Variants in TRIO observed in about 807,000 individuals in gnomAD.
The protein encoded by TRIO is triple functional domain protein.
A neutral mutation model predicts 351.9 loss-of-function variants in TRIO; 58 were observed. The observed-to-expected ratio is 0.16, with a 90% CI of 0.13 to 0.21. The LOEUF is 0.21. Among genes scored for constraint, TRIO ranks in the 10% least tolerant of loss-of-function variants. The pLI is 1.00. For synonymous variants in TRIO, 1,758 were observed against 1,595.7 expected, an observed-to-expected ratio of 1.10 and a Z score of -2.42; for missense variants, 3,201 against 4,027.8, an observed-to-expected ratio of 0.79 and a Z score of 5.56.
chr5:14,333,536 C>T (rs981697456), intron 10 of TRIO, among the ~76,000 whole-genome samples: 1 of 152,224 alleles, frequency 6.6e-6, no homozygotes. Flanking sequence ...AATATGCAGA[C>T]TTTGTTGTCT....
intron 1 of TRIO, among the ~76,000 whole-genome samples, chr5:14,168,808 C>A (rs902138047): frequency 4.6e-5 from 7 of 152,202 alleles, no homozygotes; most frequent in Admixed American, 2.0e-4. Flanking sequence ...ATTACCAATA[C>A]ATGTTTCAGC....
intron 1 of TRIO, among the ~76,000 whole-genome samples, chr5:14,194,477 T>G (rs1790644999): frequency 6.6e-6 from 1 of 152,238 alleles, no homozygotes; most frequent in Admixed American, 6.5e-5. Flanking sequence ...ATTTGAGGAC[T>G]TGATTTGTTT....
At chr5:14,351,747 T>C (rs1350272371) in intron 11 of TRIO, among the ~76,000 whole-genome samples, 1 of 152,190 alleles carries the variant, frequency 6.6e-6, no homozygotes, top group Non-Finnish European at 1.5e-5. Context: ...CCTCCTTCCA[T>C]ACCCCACCTC....
intron 1 of TRIO, among the ~76,000 whole-genome samples, chr5:14,257,179 G>A (rs1347698136): frequency 2.0e-5 from 3 of 152,250 alleles, no homozygotes; most frequent in Admixed American, 2.0e-4. Flanking sequence ...TCCAGTCGCG[G>A]CTTTCCGCCC....
At chr5:14,295,251 A>T (rs186559038) in intron 6 of TRIO, among the ~76,000 whole-genome samples, 1 of 152,362 alleles carries the variant, frequency 6.6e-6, no homozygotes, top group East Asian at 1.9e-4. Context: ...ATTAAGGGAT[A>T]CCAACAATTA....
chr5:14,268,992 A>G (rs1561273152), intron 1 of TRIO, among the ~76,000 whole-genome samples: 1 of 152,170 alleles, frequency 6.6e-6, no homozygotes, highest in Non-Finnish European at 1.5e-5. Flanking sequence ...CTTGGCTCAG[A>G]TGTTTTGCCT....
At chr5:14,437,698 CCA>C (rs1751705347) in intron 34 of TRIO, among the ~76,000 whole-genome samples, 1 of 146,450 alleles carries the variant, frequency 6.8e-6, no homozygotes. Context: ...CCCCCCCGCC[CCA>C]AGGACCTCAT....
intron 9 of TRIO, among the ~76,000 whole-genome samples, chr5:14,319,085 G>GA (rs1239051987): frequency 2.0e-5 from 3 of 152,184 alleles, no homozygotes; most frequent in Non-Finnish European, 2.9e-5. Flanking sequence ...CAAACATGTA[G>GA]AAAGGTAATT....
intron 1 of TRIO, among the ~76,000 whole-genome samples, chr5:14,169,905 G>A (rs1788996402): frequency 6.6e-6 from 1 of 152,208 alleles, no homozygotes; most frequent in South Asian, 2.1e-4. Context: ...TTTTAGAAAG[G>A]CTTTATTACT....
In TRIO at chr5:14,297,164, G is replaced by A. The variant is rs377545795; in HGVS notation, c.1269G>A (p.Ala423=). The A allele has an allele frequency of 1.9e-5, 30 of 1,614,104 alleles. No individual in the cohort carries two copies. The African/African-American group carries it at 2.0e-4, about 11-fold the overall frequency. The change falls in exon 7 of 57, where the codon GCG becomes GCA. Residue 423 remains alanine (A), a synonymous_variant. Coordinates refer to ENST00000344204, the MANE Select transcript of TRIO (RefSeq NM_007118.4). The part of the protein sequence containing the change: ...HYASQQIRQI[A]SQLEQEWKAF... ...CCTCGCAGCAGATCAGGCAGATCGC[G>A]AGTCAGCTGGAGCAGGAGTGGAAGG...
At chr5:14,386,111 G>C (rs1746517480) in intron 21 of TRIO, among the ~76,000 whole-genome samples, 1 of 152,232 alleles carries the variant, frequency 6.6e-6, no homozygotes, top group South Asian at 2.1e-4. Flanking sequence ...CAGCAGAGCA[G>C]AAGAATAGGC....
chr5:14,315,334 CT>C (rs1739288509), intron 8 of TRIO, among the ~76,000 whole-genome samples: 1 of 150,774 alleles, frequency 6.6e-6, no homozygotes, highest in African/African-American at 2.5e-5. Flanking sequence ...CTCACTGCAA[CT>C]TTCATCTCCT....
intron 34 of TRIO, among the ~76,000 whole-genome samples, chr5:14,455,099 T>C (rs571016211): frequency 6.6e-6 from 1 of 152,314 alleles, no homozygotes; most frequent in African/African-American, 2.4e-5. Context: ...ATAAAGGCAG[T>C]GCGGACCCAA....
chr5:14,147,644 G>A (rs1787595649), intron 1 of TRIO, among the ~76,000 whole-genome samples: 1 of 152,116 alleles, frequency 6.6e-6, no homozygotes. Flanking sequence ...GTCTTTCCAG[G>A]GAACAGGTGA....
chr5:14,318,157 G>A (rs892569114), intron 9 of TRIO, among the ~76,000 whole-genome samples: 1 of 149,782 alleles, frequency 6.7e-6, no homozygotes, highest in African/African-American at 2.5e-5. Flanking sequence ...AGCCTGGCAT[G>A]CTGGCACATG....
rs1181081196 is a variant in TRIO, at chr5:14,281,144, A to G, written c.347+708A>G. Reference sequence around the variant, plus strand: ...AACTGGTGGAGGAAATTTCCTCCCTATATTAATGTATTAGTTCTTTCTCAC... The same window carrying G: ...AACTGGTGGAGGAAATTTCCTCCCTGTATTAATGTATTAGTTCTTTCTCAC... On this transcript the variant is annotated intron_variant, in intron 3 of 56. Coordinates refer to ENST00000344204, the MANE Select transcript of TRIO (RefSeq NM_007118.4). Among the ~76,000 whole-genome samples the G allele has an allele frequency of 3.3e-5, 5 of 152,300 alleles. No individual in the cohort carries two copies. The South Asian group carries it at 1.0e-3, about 32-fold the overall frequency.
At chr5:14,246,733 G>T (rs911607081) in intron 1 of TRIO, among the ~76,000 whole-genome samples, 1 of 152,204 alleles carries the variant, frequency 6.6e-6, no homozygotes, top group Non-Finnish European at 1.5e-5. Flanking sequence ...GGACAAGGAA[G>T]AAGGAAAAGG....
chr5:14,448,856 A>G (rs977878901), intron 34 of TRIO, among the ~76,000 whole-genome samples: 4 of 152,198 alleles, frequency 2.6e-5, no homozygotes, highest in African/African-American at 9.7e-5. Context: ...AATCACTGGT[A>G]AGATAGTTCC....
chr5:14,352,997 T>C (rs561543429), intron 11 of TRIO, among the ~76,000 whole-genome samples: 4 of 152,260 alleles, frequency 2.6e-5, no homozygotes, highest in South Asian at 4.1e-4. Flanking sequence ...TCTAACAGAC[T>C]AATTCTAGCA....
Sources: gnomAD v4.1 joint callset for allele counts (sites outside exome capture counted in the v4.1 genomes callset) on GRCh38, gnomAD v4.1.1 for gene constraint, MANE v1.5 for transcripts, NCBI Gene and HGNC (gene_info 2026-07-23, HGNC 2026-07-21) for gene names.